Variants in KLHL6 observed in about 807,000 individuals in gnomAD.
KLHL6 encodes kelch like family member 6, also known as kelch-like protein 6.
Under a neutral mutation model 58.6 loss-of-function variants are expected in KLHL6, and 41 were observed. That is an observed-to-expected ratio of 0.70 (90% CI 0.55 to 0.91). The LOEUF (loss-of-function observed/expected upper bound fraction) is 0.91. KLHL6 is among the 40% of genes least tolerant of loss of function. The pLI is 0.00. For missense variants in KLHL6, 714 were observed against 805.6 expected, an observed-to-expected ratio of 0.89 and a Z score of 1.38; for synonymous variants, 338 against 322.7, an observed-to-expected ratio of 1.05 and a Z score of -0.51.
chr3:183,489,079 C>G lies in KLHL6; in HGVS notation c.*2848G>C, dbSNP rs1717473131. On this transcript the variant is annotated 3_prime_UTR_variant, in exon 7 of 7. Coordinates refer to ENST00000341319, the MANE Select transcript of KLHL6 (RefSeq NM_130446.4). ...ATAGCACAGAAATCCCAAATCCTCA[C>G]TTTCCCAGCATAGGGTTGACCTGCT... 1 of 152,222 alleles carries G rather than the reference C, an allele frequency of 6.6e-6. No individual in the cohort carries two copies. The highest frequency in any genetic ancestry group is 1.5e-5 in the Non-Finnish European group (1 of 68,028). The allele number at this position is 152,222 out of a possible 1,614,324, so 9.4% of individuals were successfully genotyped here. A position where few individuals can be genotyped will look rare whatever the true frequency, so the allele number is the denominator to read the frequency against.
Position 183,490,565 on chromosome 3 carries a change from G to C in KLHL6, c.*1362C>G, listed in dbSNP as rs982149429. 1 of 151,748 alleles carries C rather than the reference G, an allele frequency of 6.6e-6. No individual in the cohort carries two copies. Among genetic ancestry groups the C allele is most frequent in the African/African-American group, 2.4e-5 (1 of 41,332 alleles). The allele number at this position is 151,748 out of a possible 1,614,324, so 9.4% of individuals were successfully genotyped here. A position where few individuals can be genotyped will look rare whatever the true frequency, so the allele number is the denominator to read the frequency against. On this transcript the variant is annotated 3_prime_UTR_variant, in exon 7 of 7. Transcript: ENST00000341319. ...CTCACACCTGTAATCCCAGCACTTC[G>C]GGAGGCCGAGGCGGGCAGATCACAA...
Position 183,492,241 on chromosome 3 carries a change from A to T in KLHL6, c.1565-13T>A. 1 of 1,573,562 alleles carries T rather than the reference A, an allele frequency of 6.4e-7. No homozygotes were observed. Among genetic ancestry groups the T allele is most frequent in the Non-Finnish European group, 8.6e-7 (1 of 1,157,968 alleles). ...CTCATGGCCCCACCTGAGGAGAGGG[A>T]GGAAACACGGTGGGCATCGCTCCAT... On this transcript the variant is annotated splice_polypyrimidine_tract_variant and intron_variant, in intron 6 of 6. Coordinates refer to ENST00000341319, the MANE Select transcript of KLHL6 (RefSeq NM_130446.4). The surrounding 1 kb of genome is among the most constrained non-coding windows in gnomAD (Gnocchi z 5.9).
rs191324520 is a variant in KLHL6, at chr3:183,511,079, T to A, written c.460-2571A>T. On this transcript the variant is annotated intron_variant, in intron 2 of 6. Transcript: ENST00000341319. ...TACGGAGGACCCTCACCGGCACCAG[T>A]CTCTGAGTTCCCTCAGTATTTATTG... 2.5e-3 allele frequency among the ~76,000 whole-genome samples: 373 copies of A among 152,210 alleles called. 2 individuals carry two copies. The highest frequency in any genetic ancestry group is 8.8e-3 in the African/African-American group (366 of 41,528).
intron 4 of KLHL6, among the ~76,000 whole-genome samples, chr3:183,498,587 A>G (rs1717778986): frequency 6.6e-6 from 1 of 152,198 alleles, no homozygotes; most frequent in Admixed American, 6.5e-5. Flanking sequence ...TCCTACCTTA[A>G]AAACACCTAC....
At chr3:183,513,130 T>C (rs554023914) in intron 2 of KLHL6, among the ~76,000 whole-genome samples, 1 of 152,200 alleles carries the variant, frequency 6.6e-6, no homozygotes, top group African/African-American at 2.4e-5. Flanking sequence ...ATACGTAAAA[T>C]AAACACATTA....
In KLHL6 at chr3:183,499,456, C is replaced by T; in HGVS notation, c.1147+134G>A. ...GATAAGACCACCTGAGCTCCTGGGT[C>T]CATATCCTGTCTCAGTCAGAGCCGG... On this transcript the variant is annotated intron_variant, in intron 4 of 6. Transcript: ENST00000341319. The surrounding 1 kb of genome is among the most constrained non-coding windows in gnomAD (Gnocchi z 4.6). 1.6e-6 allele frequency: 1 copy of T among 644,928 alleles called. No homozygotes were observed. The highest frequency in any genetic ancestry group is 2.7e-6 in the Non-Finnish European group (1 of 364,812). The allele number at this position is 644,928 out of a possible 1,614,324, so 40.0% of individuals were successfully genotyped here.
At chr3:183,525,260 TA>T (rs144357979) in intron 2 of KLHL6, among the ~76,000 whole-genome samples, 1 of 143,942 alleles carries the variant, frequency 6.9e-6, no homozygotes. Context: ...TGAGACTCTC[TA>T]AAAAAAAAAC....
intron 4 of KLHL6, 126 bp from the exon 5 acceptor site, chr3:183,494,407 G>A (rs993837248): frequency 2.5e-5 from 18 of 723,506 alleles, no homozygotes; most frequent in African/African-American, 7.1e-5. Flanking sequence ...GGAGATACAA[G>A]AAACCCAGCA....
rs374745010 is a variant in KLHL6, at chr3:183,526,660, T to G, written c.459+1185A>C. ...GAAATCAACAACAAATAAAGCTCACTCTGTCTCTGCACCATGTCTGTCCTC... is the reference window on the plus strand; with the variant it reads ...GAAATCAACAACAAATAAAGCTCACGCTGTCTCTGCACCATGTCTGTCCTC... On this transcript the variant is annotated intron_variant, in intron 2 of 6. Transcript: ENST00000341319. 5.9e-5 allele frequency among the ~76,000 whole-genome samples: 9 copies of G among 152,310 alleles called. No homozygotes were observed. In the East Asian group the frequency reaches 7.7e-4, roughly 13 times the overall value.
chr3:183,553,428 A>G (rs1292808731), intron 1 of KLHL6, among the ~76,000 whole-genome samples: 1 of 152,196 alleles, frequency 6.6e-6, no homozygotes, highest in Non-Finnish European at 1.5e-5. Context: ...AGCCAGGCCA[A>G]CCCGCTAACA....
intron 1 of KLHL6, among the ~76,000 whole-genome samples, chr3:183,534,085 C>CTTTACTTTTAAAGTACTTTAAAAGTAA (rs1712254178): frequency 1.6e-5 from 1 of 60,612 alleles, no homozygotes; most frequent in Non-Finnish European, 5.3e-5. Flanking sequence ...TTTAAAAGTA[C>CTTTACTTTTAAAGTACTTTAAAAGTAA]TTTACTTTTA....
At chr3:183,532,695 T>C (rs1435442458) in intron 1 of KLHL6, among the ~76,000 whole-genome samples, 1 of 152,166 alleles carries the variant, frequency 6.6e-6, no homozygotes, top group Non-Finnish European at 1.5e-5. Context: ...GACATGTGAT[T>C]CAGTTGAAGC....
intron 1 of KLHL6, chr3:183,548,683 CTT>C (rs1415275111): frequency 6.6e-6 from 1 of 152,204 alleles, no homozygotes; most frequent in Non-Finnish European, 1.5e-5. Context: ...AGAGACTACT[CTT>C]AAGCCACATG....
At chr3:183,518,610 C>T (rs1255314220) in intron 2 of KLHL6, among the ~76,000 whole-genome samples, 1 of 152,134 alleles carries the variant, frequency 6.6e-6, no homozygotes, top group East Asian at 1.9e-4. Context: ...CACAGGCTTA[C>T]TCAGGGAAGG....
chr3:183,522,857 C>G (rs1303750089), intron 2 of KLHL6: 1 of 152,210 alleles, frequency 6.6e-6, no homozygotes, highest in Non-Finnish European at 1.5e-5. Flanking sequence ...CACTCTGTCA[C>G]GAGGCTGGAG....
intron 4 of KLHL6, among the ~76,000 whole-genome samples, chr3:183,495,115 T>C (rs1717679771): frequency 6.6e-6 from 1 of 152,254 alleles, no homozygotes; most frequent in Non-Finnish European, 1.5e-5. Context: ...TGTGCAATAG[T>C]GGAGAAATGA....
chr3:183,531,634 G>A (rs1249719686), intron 1 of KLHL6, among the ~76,000 whole-genome samples: 2 of 151,792 alleles, frequency 1.3e-5, no homozygotes, highest in Non-Finnish European at 2.9e-5. Context: ...TTTTAGTAGA[G>A]ACGGGGTTTC....
At chr3:183,505,107 G>A (rs562563522) in intron 3 of KLHL6, among the ~76,000 whole-genome samples, 12 of 152,266 alleles carry the variant, frequency 7.9e-5, no homozygotes, top group African/African-American at 2.6e-4. Context: ...GGGCAGTTAC[G>A]GAGACTGAAA....
intron 2 of KLHL6, among the ~76,000 whole-genome samples, chr3:183,526,672 C>T (rs1406029967): frequency 1.3e-5 from 2 of 152,164 alleles, no homozygotes; most frequent in Non-Finnish European, 2.9e-5. Flanking sequence ...TGTCTCTGCA[C>T]CATGTCTGTC....
Sources: gnomAD v4.1 joint callset for allele counts (sites outside exome capture counted in the v4.1 genomes callset) on GRCh38, gnomAD v4.1.1 for gene constraint, Gnocchi (gnomAD v3.1) non-coding constraint, MANE v1.5 for transcripts, NCBI Gene and HGNC (gene_info 2026-07-23, HGNC 2026-07-21) for gene names.